The following TMC3 variants were observed in gnomAD, a reference collection of about 807,000 sequenced individuals.
The protein encoded by TMC3 is transmembrane channel like 3.
In TMC3, 98 loss-of-function variants were observed where a neutral mutation model predicts 110.6. That is an observed-to-expected ratio of 0.89 (90% confidence interval 0.75 to 1.05). The LOEUF (loss-of-function observed/expected upper bound fraction) is 1.05. Ranked by LOEUF, TMC3 falls within the 50% of genes least tolerant of loss-of-function variation. TMC3 has a pLI of 0.00. For missense variants in TMC3, 1,319 were observed against 1,373.2 expected, an observed-to-expected ratio of 0.96 and a Z score of 0.62; for synonymous variants, 489 against 513.1, an observed-to-expected ratio of 0.95 and a Z score of 0.63.
intron 12 of TMC3, among the ~76,000 whole-genome samples, chr15:81,345,650 G>C (rs775294005): frequency 6.6e-6 from 1 of 152,046 alleles, no homozygotes; most frequent in African/African-American, 2.4e-5. Flanking sequence ...CAGGGGAATC[G>C]CTTGAGCCCA....
intron 21 of TMC3, among the ~76,000 whole-genome samples, chr15:81,334,350 A>T (rs926902651): frequency 1.3e-5 from 2 of 152,220 alleles, no homozygotes; most frequent in African/African-American, 4.8e-5. Flanking sequence ...CATGTAATGC[A>T]TAAATGGTCT....
chr15:81,367,933 GT>G (rs1389920021), intron 3 of TMC3, among the ~76,000 whole-genome samples: 2 of 152,056 alleles, frequency 1.3e-5, no homozygotes, highest in African/African-American at 4.8e-5. Flanking sequence ...TGTTGTTGTT[GT>G]TTTGTTTGTT....
chr15:81,355,718 T>C lies in TMC3; in HGVS notation c.935+7A>G, dbSNP rs1467554718. ...ATGAATTCAGCATGGGGAGTAATAA[T>C]ACCTACAGGTTTTTGCTTTTCTTTT... On this transcript the variant is annotated splice_region_variant and intron_variant, in intron 9 of 21. Transcript: ENST00000359440. 1 of 1,587,280 alleles carries C rather than the reference T, an allele frequency of 6.3e-7. No homozygotes were observed. Among genetic ancestry groups the C allele is most frequent in the African/African-American group, 1.4e-5 (1 of 74,026 alleles).
At chr15:81,336,772 A>G (rs1893605788) in intron 19 of TMC3, 121 bp from the exon 20 acceptor site, 9 of 1,006,512 alleles carry the variant, frequency 8.9e-6, no homozygotes, top group Middle Eastern at 2.1e-4. Context: ...CCATAACTGT[A>G]CTACTATTGC....
At chr15:81,372,780 T>G (rs1169608098) in intron 1 of TMC3, 43 bp from the exon 2 acceptor site, 1 of 1,601,654 alleles carries the variant, frequency 6.2e-7, no homozygotes. Flanking sequence ...ATTAGAAGAA[T>G]TGCTTCCAGC....
At chr15:81,334,677 T>C (rs768308922) in intron 21 of TMC3, 43 bp downstream of exon 21, 1 of 1,578,918 alleles carries the variant, frequency 6.3e-7, no homozygotes, top group East Asian at 2.3e-5. Context: ...CCTTCAAATC[T>C]CTCACATTCC....
At chr15:81,371,646 G>T (rs1409929955) in intron 2 of TMC3, among the ~76,000 whole-genome samples, 1 of 152,180 alleles carries the variant, frequency 6.6e-6, no homozygotes, top group Non-Finnish European at 1.5e-5. Flanking sequence ...CTCACTCTTA[G>T]TGAGTGACTG....
At chr15:81,358,751 C>T (rs1218100957) in intron 5 of TMC3, among the ~76,000 whole-genome samples, 2 of 151,164 alleles carry the variant, frequency 1.3e-5, no homozygotes, top group South Asian at 2.1e-4. Flanking sequence ...TATTAAGACC[C>T]CTGTTGGGAA....
intron 3 of TMC3, 81 bp from the exon 4 acceptor site, chr15:81,362,382 G>A (rs2141419547): frequency 1.9e-6 from 2 of 1,077,570 alleles, no homozygotes; most frequent in Non-Finnish European, 2.8e-6. Flanking sequence ...CCTAAATGGA[G>A]TATACCAGAC....
chr15:81,345,095 T>C (rs1309482469), intron 12 of TMC3, 84 bp from the exon 13 acceptor site: 1 of 1,507,830 alleles, frequency 6.6e-7, no homozygotes, highest in Non-Finnish European at 8.9e-7. Flanking sequence ...GAATCCATCA[T>C]GGACCCCAAG....
At chr15:81,372,297 AAC>A (rs1157116545) in intron 2 of TMC3, among the ~76,000 whole-genome samples, 1 of 147,090 alleles carries the variant, frequency 6.8e-6, no homozygotes, top group Non-Finnish European at 1.5e-5. Context: ...ACACACCCCC[AAC>A]ACAGACACAC....
At chr15:81,343,022 T>A (rs1893747708) in intron 15 of TMC3, 1 of 425,102 alleles carries the variant, frequency 2.4e-6, no homozygotes, top group East Asian at 3.8e-5. Context: ...TGTATTCTAC[T>A]GGTTTCTGTG....
Position 81,359,472 on chromosome 15 carries a change from C to A in TMC3, c.395-1G>T. On this transcript the variant is annotated splice_acceptor_variant, in intron 4 of 21. Transcript: ENST00000359440. LOFTEE classifies it high-confidence loss of function. ...GAGGCAACGCCAGATCCAAAATGACCTAAAGAAAGACAAGATAATGAGAAC... is the reference window on the plus strand; with the variant it reads ...GAGGCAACGCCAGATCCAAAATGACATAAAGAAAGACAAGATAATGAGAAC... 6.4e-7 allele frequency: 1 copy of A among 1,566,790 alleles called. No homozygotes were observed. Among genetic ancestry groups the A allele is most frequent in the Non-Finnish European group, 8.6e-7 (1 of 1,156,574 alleles).
intron 3 of TMC3, among the ~76,000 whole-genome samples, chr15:81,364,714 TAAAA>T (rs983387408): frequency 8.4e-6 from 1 of 118,886 alleles, no homozygotes; most frequent in Non-Finnish European, 1.7e-5. Context: ...AAAAAAAAAA[TAAAA>T]AATAAAACTG....
At chr15:81,344,186 T>C in intron 13 of TMC3, 141 bp from the exon 14 acceptor site, 1 of 838,340 alleles carries the variant, frequency 1.2e-6, no homozygotes, top group South Asian at 1.8e-5. Context: ...TTTCTCATCT[T>C]TGTAAGTTGC....
chr15:81,358,253 G>T lies in TMC3; in HGVS notation c.639C>A (p.Tyr213Ter). 6.2e-7 allele frequency: 1 copy of T among 1,612,800 alleles called. No individual in the cohort carries two copies. Among genetic ancestry groups the T allele is most frequent in the Non-Finnish European group, 8.5e-7 (1 of 1,179,416 alleles). ...LQYSVLFYGY[Y>*]GRERKIGRAG... ...CTCTCCCGATCTTCCTCTCCCTGCC[G>T]TAATATCCGTAGAAGAGGACAGAGT... Residue 213 changes from tyrosine to a stop codon, truncating the protein, a stop_gained, in exon 7 of 22, where the codon TAC (tyrosine) becomes TAA (stop). Coordinates refer to ENST00000359440, the MANE Select transcript of TMC3 (RefSeq NM_001080532.3). LOFTEE classifies it high-confidence loss of function.
chr15:81,336,201 A>G (rs1290220275), intron 20 of TMC3: 1 of 162,556 alleles, frequency 6.2e-6, no homozygotes, highest in Admixed American at 6.2e-5. Context: ...TATTGGTAGT[A>G]TACCGCAAAC....
intron 9 of TMC3, among the ~76,000 whole-genome samples, chr15:81,353,000 T>C (rs10162663): frequency 0.16 from 23,929 of 152,150 alleles, 3,613 homozygotes; most frequent in African/African-American, 0.4. Flanking sequence ...TTTGTATTTT[T>C]AGTAGAGACT....
chr15:81,338,085 C>T (rs138169078), intron 18 of TMC3, among the ~76,000 whole-genome samples, 161 bp from the exon 19 acceptor site: 55 of 152,242 alleles, frequency 3.6e-4, no homozygotes, highest in African/African-American at 1.2e-3. Flanking sequence ...AGCAAGTTCT[C>T]AAGCCAGTGA....
Sources: gnomAD v4.1 joint callset for allele counts (sites outside exome capture counted in the v4.1 genomes callset) on GRCh38, gnomAD v4.1.1 for gene constraint, MANE v1.5 for transcripts, NCBI Gene and HGNC (gene_info 2026-07-23, HGNC 2026-07-21) for gene names.